Variants in SLIT2 observed in about 807,000 individuals in gnomAD.
SLIT2 encodes the protein slit guidance ligand 2, also known as slit homolog 2 protein.
Under a neutral mutation model 185.7 loss-of-function variants are expected in SLIT2, and 41 were observed. The observed-to-expected ratio is 0.22, with a 90% CI of 0.17 to 0.29. The LOEUF (loss-of-function observed/expected upper bound fraction) is 0.29, where lower values mean the gene tolerates loss of function less well. SLIT2 is among the 10% of genes least tolerant of loss of function. The pLI is 1.00. For missense variants in SLIT2, 1,571 were observed against 1,909.0 expected (o/e 0.82, Z 3.30); for synonymous variants, 693 against 680.2 (o/e 1.02, Z -0.29).
At chr4:20,463,474 T>C (rs1256162719) in intron 4 of SLIT2, among the ~76,000 whole-genome samples, 10 of 117,524 alleles carry the variant, frequency 8.5e-5, no homozygotes, top group African/African-American at 1.7e-4. Flanking sequence ...TATATATATA[T>C]ATATATATAT....
intron 4 of SLIT2, among the ~76,000 whole-genome samples, chr4:20,452,775 G>A (rs1388004045): frequency 6.6e-6 from 1 of 152,192 alleles, no homozygotes; most frequent in Non-Finnish European, 1.5e-5. Context: ...AAGGTGGTGT[G>A]CTTGGGAGAG....
chr4:20,601,516 G>A (rs538955815), intron 33 of SLIT2, among the ~76,000 whole-genome samples: 5 of 152,264 alleles, frequency 3.3e-5, no homozygotes, highest in Non-Finnish European at 5.9e-5. Flanking sequence ...TCATTGAAAG[G>A]CATGACAGGT....
At chr4:20,470,265 A>G (rs1324539534) in intron 5 of SLIT2, among the ~76,000 whole-genome samples, 2 of 152,208 alleles carry the variant, frequency 1.3e-5, no homozygotes, top group South Asian at 2.1e-4. Context: ...ATGATTAGCA[A>G]TATTGACTAG....
rs1415864567 is a variant in SLIT2, at chr4:20,253,955, G to A, written c.140G>A (p.Arg47His). The A allele has an allele frequency of 5.6e-6, 9 of 1,603,106 alleles. No individual in the cohort carries two copies. Among genetic ancestry groups the A allele is most frequent in the Non-Finnish European group, 7.6e-6 (9 of 1,179,856 alleles). The change falls in exon 1 of 37, where the codon CGC becomes CAC. Residue 47 changes from arginine to histidine, a missense_variant. Transcript: ENST00000504154. ...GTGGACTGTCACGGGCTGGCGCTGC[G>A]CAGCGTGCCCAGGAATATCCCCCGC... is the stretch of plus-strand genomic sequence containing the variant. ...STVDCHGLALRSVPRNIPRNT... is the reference protein window; with the variant it reads ...STVDCHGLALHSVPRNIPRNT...
chr4:20,337,222 C>G (rs1720581921), intron 4 of SLIT2, among the ~76,000 whole-genome samples: 2 of 152,132 alleles, frequency 1.3e-5, no homozygotes, highest in South Asian at 4.1e-4. Flanking sequence ...TTCCCCGTGG[C>G]TGGGAAGGCC....
chr4:20,401,739 C>G (rs1396195033), intron 4 of SLIT2, among the ~76,000 whole-genome samples: 1 of 151,804 alleles, frequency 6.6e-6, no homozygotes, highest in Non-Finnish European at 1.5e-5. Flanking sequence ...GACTAAGTTA[C>G]CTAACCTCAC....
At chr4:20,403,475 G>A (rs1272421121) in intron 4 of SLIT2, among the ~76,000 whole-genome samples, 2 of 151,856 alleles carry the variant, frequency 1.3e-5, no homozygotes, top group Non-Finnish European at 2.9e-5. Flanking sequence ...ACCTAGCAGG[G>A]CTCCCTGTAG....
chr4:20,264,362 T>C (rs1348237557), intron 3 of SLIT2, among the ~76,000 whole-genome samples: 1 of 151,794 alleles, frequency 6.6e-6, no homozygotes, highest in Non-Finnish European at 1.5e-5. Flanking sequence ...TGAGGCAGCA[T>C]TTATCAAACA....
chr4:20,336,461 C>G (rs1720504948), intron 4 of SLIT2, among the ~76,000 whole-genome samples: 1 of 152,096 alleles, frequency 6.6e-6, no homozygotes, highest in Non-Finnish European at 1.5e-5. Context: ...TGTTCTTACT[C>G]ATAGGTGGGA....
intron 6 of SLIT2, 70 bp downstream of exon 6, chr4:20,480,857 T>C: frequency 9.1e-7 from 1 of 1,094,514 alleles, no homozygotes; most frequent in Admixed American, 1.7e-5. Flanking sequence ...TGTGGAAGCT[T>C]ATCTGCTAGC....
chr4:20,526,371 T>C (rs746747698), intron 15 of SLIT2, among the ~76,000 whole-genome samples: 5 of 152,240 alleles, frequency 3.3e-5, no homozygotes, highest in Non-Finnish European at 7.4e-5. Context: ...TTGGCCTTCA[T>C]TGACAATGTT....
chr4:20,609,904 T>A (rs1175327099), intron 33 of SLIT2, 109 bp from the exon 34 acceptor site: 2 of 1,016,072 alleles, frequency 2.0e-6, no homozygotes, highest in Non-Finnish European at 2.8e-6. Flanking sequence ...TCATTAGTGT[T>A]AGATTGCCAT....
intron 4 of SLIT2, among the ~76,000 whole-genome samples, chr4:20,401,538 G>A (rs1466298968): frequency 6.6e-5 from 10 of 151,910 alleles, no homozygotes; most frequent in African/African-American, 2.4e-4. Flanking sequence ...CCTTCATCCA[G>A]CAAATCTGCA....
intron 29 of SLIT2, among the ~76,000 whole-genome samples, chr4:20,571,500 T>G (rs987000410): frequency 2.0e-5 from 3 of 152,172 alleles, no homozygotes; most frequent in African/African-American, 7.2e-5. Flanking sequence ...CTAACAACCA[T>G]CTGCGGATTT....
intron 4 of SLIT2, among the ~76,000 whole-genome samples, chr4:20,420,590 A>G (rs1046485758): frequency 1.3e-5 from 2 of 152,124 alleles, no homozygotes; most frequent in African/African-American, 2.4e-5. Context: ...AAAGATGTGG[A>G]AACTAAGACA....
At chr4:20,286,992 C>A (rs1715331581) in intron 4 of SLIT2, among the ~76,000 whole-genome samples, 2 of 152,064 alleles carry the variant, frequency 1.3e-5, no homozygotes, top group South Asian at 4.2e-4. Flanking sequence ...ACTTACTAGC[C>A]CACCTTTCTA....
chr4:20,375,779 G>A (rs1484572000), intron 4 of SLIT2, among the ~76,000 whole-genome samples: 1 of 151,624 alleles, frequency 6.6e-6, no homozygotes, highest in Non-Finnish European at 1.5e-5. Context: ...TTTATACTTT[G>A]TAGATGTCTG....
In SLIT2 at chr4:20,486,228, C is replaced by A. The variant is rs749392785; in HGVS notation, c.568C>A (p.Leu190Ile). ...TCTCAACAATAACAACATTACTAGACTTTCTGTGGCAAGTTTCAACCATAT... is the reference window on the plus strand; with the variant it reads ...TCTCAACAATAACAACATTACTAGAATTTCTGTGGCAAGTTTCAACCATAT... Reference protein sequence around the residue: ...LTLNNNNITRLSVASFNHMPK... With the variant: ...LTLNNNNITRISVASFNHMPK... The change falls in exon 7 of 37, where the codon CTT (leucine) becomes ATT (isoleucine). Residue 190 changes from leucine to isoleucine, a missense_variant. Leu to Ile is a conservative substitution (Grantham distance 5). This residue lies in a region of SLIT2 where 1,202 missense variants were observed against 1,416.4 expected (regional missense o/e 0.85). Transcript: ENST00000504154. 1.9e-6 allele frequency: 3 copies of A among 1,606,174 alleles called. No individual in the cohort carries two copies. The highest frequency in any genetic ancestry group is 2.6e-6 in the Non-Finnish European group (3 of 1,173,178).
In SLIT2 at chr4:20,451,623, T is replaced by A. The variant is rs79613343; in HGVS notation, c.396-16129T>A. Among the ~76,000 whole-genome samples, 791 of 152,334 alleles carry A rather than the reference T, an allele frequency of 5.2e-3. 10 individuals carry two copies. The highest frequency in any genetic ancestry group is 0.018 in the African/African-American group (738 of 41,580). ...AGAGAACTCTGTTCAAATATGAGCCTTGAATCTACTGGGGCTAATTATCAG... is the reference window on the plus strand; with the variant it reads ...AGAGAACTCTGTTCAAATATGAGCCATGAATCTACTGGGGCTAATTATCAG... On this transcript the variant is annotated intron_variant, in intron 4 of 36. Transcript: ENST00000504154.
Sources: gnomAD v4.1 joint callset for allele counts (sites outside exome capture counted in the v4.1 genomes callset) on GRCh38, gnomAD v4.1.1 for gene constraint, gnomAD v4.1.1 regional missense constraint, MANE v1.5 for transcripts, NCBI Gene and HGNC (gene_info 2026-07-23, HGNC 2026-07-21) for gene names.